The following FAM13A variants were observed in gnomAD, a reference collection of about 807,000 sequenced individuals.
FAM13A encodes family with sequence similarity 13 member A.
A neutral mutation model predicts 129.6 loss-of-function variants in FAM13A; 76 were observed. The observed-to-expected ratio is 0.59, with a 90% CI of 0.49 to 0.71. The LOEUF (loss-of-function observed/expected upper bound fraction) is 0.71. FAM13A is among the 30% of genes least tolerant of loss of function. The probability of loss-of-function intolerance (pLI) is 0.00; values close to 1 mark genes in which losing one functional copy is unlikely to be tolerated. For synonymous variants in FAM13A, 443 were observed against 449.9 expected, an observed-to-expected ratio of 0.98 and a Z score of 0.20; for missense variants, 1,108 against 1,249.3, an observed-to-expected ratio of 0.89 and a Z score of 1.70.
intron 14 of FAM13A, chr4:88,753,724 A>C: frequency 2.5e-6 from 1 of 405,926 alleles, no homozygotes; most frequent in Non-Finnish European, 3.3e-6. Flanking sequence ...GTTCAGTATA[A>C]CTAAGGGATC....
rs1219530129 is a variant in FAM13A at position 88,731,321 on chromosome 4, C to T, written c.2945+6G>A. On this transcript the variant is annotated splice_donor_region_variant and intron_variant, in intron 23 of 23. Transcript: ENST00000264344. ...GGAAGGGAGGGTGGGGGAAGACAGG[C>T]ACTACCTTCCATTCTGTCTGAAAAA... 4 of 1,544,906 alleles carry T rather than the reference C, an allele frequency of 2.6e-6. No individual in the cohort carries two copies. Among genetic ancestry groups the T allele is most frequent in the Admixed American group, 1.7e-5 (1 of 59,710 alleles).
chr4:89,055,020 T>A (rs975160250), intron 1 of FAM13A, among the ~76,000 whole-genome samples: 1 of 152,230 alleles, frequency 6.6e-6, no homozygotes, highest in East Asian at 1.9e-4. Context: ...AATCTCATAT[T>A]TGAGGGGCTC....
intron 6 of FAM13A, among the ~76,000 whole-genome samples, chr4:88,868,046 T>C (rs1228950186): frequency 6.6e-6 from 1 of 152,178 alleles, no homozygotes; most frequent in Non-Finnish European, 1.5e-5. Flanking sequence ...TGTTAAAATA[T>C]CAATACTAAA....
At chr4:88,896,127 G>A (rs1746266040) in intron 6 of FAM13A, among the ~76,000 whole-genome samples, 1 of 151,586 alleles carries the variant, frequency 6.6e-6, no homozygotes. Context: ...GTAGGGACAT[G>A]GATGAAATTG....
chr4:88,917,424 C>T (rs1243462467), intron 5 of FAM13A, among the ~76,000 whole-genome samples: 1 of 152,134 alleles, frequency 6.6e-6, no homozygotes, highest in African/African-American at 2.4e-5. Context: ...ACCTCCAACG[C>T]TGAGGACCAA....
intron 3 of FAM13A, among the ~76,000 whole-genome samples, chr4:89,007,574 G>A (rs72665867): frequency 0.13 from 19,760 of 152,004 alleles, 1,516 homozygotes; most frequent in Non-Finnish European, 0.17. Context: ...TTGAATTCTC[G>A]ACCCACAGAA....
intron 8 of FAM13A, among the ~76,000 whole-genome samples, chr4:88,801,962 A>G (rs1727552098): frequency 6.6e-6 from 1 of 152,104 alleles, no homozygotes; most frequent in African/African-American, 2.4e-5. Context: ...GAAGTAGAGC[A>G]GCAACAGATC....
At chr4:88,837,016 C>T (rs375732913) in intron 7 of FAM13A, among the ~76,000 whole-genome samples, 5 of 151,722 alleles carry the variant, frequency 3.3e-5, no homozygotes, top group East Asian at 3.9e-4. Flanking sequence ...TTTTTTGAAA[C>T]GAAGTTTCAC....
intron 3 of FAM13A, among the ~76,000 whole-genome samples, chr4:89,008,070 AT>A (rs66594164): frequency 0.78 from 118,215 of 151,814 alleles, 46,233 homozygotes; most frequent in Middle Eastern, 0.88. Flanking sequence ...GATTTCCGAG[AT>A]CTGTCGGAGA....
intron 14 of FAM13A, 125 bp from the exon 15 acceptor site, chr4:88,750,762 T>G (rs1742417327): frequency 1.5e-6 from 1 of 686,340 alleles, no homozygotes; most frequent in Non-Finnish European, 2.5e-6. Context: ...CGTTTCTCAT[T>G]TTACAGCTAA....
At chr4:88,837,058 G>C (rs1408851150) in intron 7 of FAM13A, among the ~76,000 whole-genome samples, 1 of 151,498 alleles carries the variant, frequency 6.6e-6, no homozygotes, top group African/African-American at 2.4e-5. Context: ...GCAATGGCAC[G>C]ATCTCCACTC....
At chr4:88,891,241 T>C (rs1410697722) in intron 6 of FAM13A, among the ~76,000 whole-genome samples, 3 of 152,104 alleles carry the variant, frequency 2.0e-5, no homozygotes, top group Non-Finnish European at 2.9e-5. Flanking sequence ...CTGGACAACA[T>C]GGCAAAACCA....
At chr4:88,975,937 T>A (rs1760840332) in intron 4 of FAM13A, among the ~76,000 whole-genome samples, 1 of 152,140 alleles carries the variant, frequency 6.6e-6, no homozygotes. Context: ...AGTCTTGCCA[T>A]AACTAGTTAT....
chr4:89,019,486 T>A (rs1766954337), intron 3 of FAM13A, among the ~76,000 whole-genome samples: 1 of 152,100 alleles, frequency 6.6e-6, no homozygotes, highest in Non-Finnish European at 1.5e-5. Context: ...CCTGGCCAGG[T>A]GCAGTGGTTC....
At chr4:88,749,710 G>A in intron 16 of FAM13A, 61 bp downstream of exon 16, 1 of 1,566,612 alleles carries the variant, frequency 6.4e-7, no homozygotes, top group Non-Finnish European at 8.7e-7. Flanking sequence ...TTGAGTTGCT[G>A]AAATGCTGCC....
intron 11 of FAM13A, among the ~76,000 whole-genome samples, chr4:88,777,706 T>C (rs1294937056): frequency 6.6e-6 from 1 of 152,206 alleles, no homozygotes; most frequent in African/African-American, 2.4e-5. Flanking sequence ...TTCTCCTCTT[T>C]GGCTGTGCCG....
chr4:88,877,023 T>A (rs539578116), intron 6 of FAM13A, among the ~76,000 whole-genome samples: 1 of 152,342 alleles, frequency 6.6e-6, no homozygotes, highest in East Asian at 1.9e-4. Context: ...GGAAAATATT[T>A]CACAAAATAG....
intron 16 of FAM13A, 115 bp downstream of exon 16, chr4:88,749,656 T>C: frequency 7.5e-6 from 8 of 1,065,448 alleles, no homozygotes; most frequent in Non-Finnish European, 1.1e-5. Context: ...TGCCTTTTTG[T>C]TGTAAGATTC....
intron 1 of FAM13A, among the ~76,000 whole-genome samples, chr4:89,052,011 C>T (rs1233727837): frequency 6.6e-6 from 1 of 152,110 alleles, no homozygotes; most frequent in Non-Finnish European, 1.5e-5. Flanking sequence ...ACTGTGGCTC[C>T]GTGAAATGTT....
Sources: allele counts gnomAD v4.1 joint callset (sites outside exome capture counted in the v4.1 genomes callset), GRCh38; gene constraint gnomAD v4.1.1; transcripts MANE v1.5; gene names NCBI Gene and HGNC (gene_info 2026-07-23, HGNC 2026-07-21).